The following ABCB5 variants were observed in gnomAD, a reference collection of about 807,000 sequenced individuals.
The protein encoded by ABCB5 is ATP-binding cassette sub-family B member 5.
ABCB5 carries 155 observed loss-of-function variants against 144.2 expected under a neutral mutation model. That is an observed-to-expected ratio of 1.08 (90% confidence interval 0.94 to 1.23). The LOEUF (loss-of-function observed/expected upper bound fraction) is 1.23. Ranked by LOEUF, ABCB5 falls within the 50% of genes most tolerant of loss-of-function variation. The pLI is 0.00. For missense variants in ABCB5, 1,830 were observed against 1,520.8 expected (o/e 1.20, Z -3.38); for synonymous variants, 610 against 528.6 (o/e 1.15, Z -2.11).
Position 20,647,652 on chromosome 7 carries a change from A to G in ABCB5, c.1095+4A>G, listed in dbSNP as rs1243218823. ...TATTTTCCAGGTTATTGATAAGGTA[A>G]GACCTCTTATTGCTTTGAAGAATAA... On this transcript the variant is annotated splice_donor_region_variant and intron_variant, in intron 10 of 27. Coordinates refer to ENST00000404938, the MANE Select transcript of ABCB5 (RefSeq NM_001163941.2). 2 of 1,558,838 alleles carry G rather than the reference A, an allele frequency of 1.3e-6. No individual in the cohort carries two copies. Among genetic ancestry groups the G allele is most frequent in the South Asian group, 2.4e-5 (2 of 84,008 alleles).
At chr7:20,739,706 A>C (rs1404641472) in intron 24 of ABCB5, among the ~76,000 whole-genome samples, 1 of 152,180 alleles carries the variant, frequency 6.6e-6, no homozygotes, top group East Asian at 1.9e-4. Flanking sequence ...GATTCGTATT[A>C]AGGTTTATTT....
chr7:20,669,091 G>C (rs1396631497), intron 14 of ABCB5, among the ~76,000 whole-genome samples: 9 of 151,146 alleles, frequency 6.0e-5, no homozygotes, highest in Non-Finnish European at 8.8e-5. Context: ...CGCCCCGTCC[G>C]GGAGGATGGT....
At position 20,745,220 on chromosome 7, in the gene ABCB5, TG is replaced by T; in HGVS notation, c.3223-11del. 6.2e-7 allele frequency: 1 copy of T among 1,613,684 alleles called. No homozygotes were observed. The highest frequency in any genetic ancestry group is 2.2e-5 in the East Asian group (1 of 44,882). ...GATCTTAACACACCATTCTCCAATC[TG>T]CTTTTGGCAGCTGTTTGATGGTGTG... On this transcript the variant is annotated splice_polypyrimidine_tract_variant and intron_variant, in intron 25 of 27. Transcript: ENST00000404938.
chr7:20,646,176 A>G (rs377617566), intron 9 of ABCB5, 38 bp downstream of exon 9: 4 of 1,566,868 alleles, frequency 2.6e-6, no homozygotes, highest in East Asian at 4.5e-5. Flanking sequence ...AGGCCTGGAT[A>G]ATCTTTCCTT....
At chr7:20,709,339 T>G (rs775772046) in intron 20 of ABCB5, among the ~76,000 whole-genome samples, 10 of 150,048 alleles carry the variant, frequency 6.7e-5, no homozygotes, top group Admixed American at 1.3e-4. Flanking sequence ...AGATATTTTG[T>G]TTTATATTTT....
intron 20 of ABCB5, among the ~76,000 whole-genome samples, chr7:20,705,757 G>A (rs2128044724): frequency 6.6e-6 from 1 of 150,706 alleles, no homozygotes; most frequent in Admixed American, 6.6e-5. Context: ...AGAATTGTAT[G>A]TTTCTTTTAG....
intron 20 of ABCB5, among the ~76,000 whole-genome samples, chr7:20,708,240 T>C (rs557612031): frequency 1.2e-4 from 18 of 152,230 alleles, no homozygotes; most frequent in Non-Finnish European, 2.4e-4. Context: ...CTGTTTTGTC[T>C]TGCAGTTTTA....
rs59970398 is a variant in ABCB5, at chr7:20,618,764, C to CTTTTTTTTTTTTTTTTTTTTT, written c.-22+2935_-22+2955dup. Among the ~76,000 whole-genome samples, 6 of 51,544 alleles carry CTTTTTTTTTTTTTTTTTTTTT rather than the reference C, an allele frequency of 1.2e-4. 2 individuals carry two copies. The highest frequency in any genetic ancestry group is 1.4e-3 in the East Asian group (2 of 1,440). The allele number at this position is 51,544 out of a possible 152,430, so 33.8% of individuals were successfully genotyped here. On this transcript the variant is annotated intron_variant, in intron 1 of 27. Transcript: ENST00000404938. Reference sequence around the variant, plus strand: ...TCATGGCATATATGTGCTGCATTTTCTTTTTTTTTTTTTTTTTTTTTTTTT... The same window carrying CTTTTTTTTTTTTTTTTTTTTT: ...TCATGGCATATATGTGCTGCATTTTCTTTTTTTTTTTTTTTTTTTTTTTTTTTTTTTTTTTTTTTTTTTTTT...
chr7:20,724,199 C>CTTAT (rs10642660), intron 21 of ABCB5, among the ~76,000 whole-genome samples: 128,803 of 149,234 alleles, frequency 0.86, 55,958 homozygotes, highest in African/African-American at 0.96. Flanking sequence ...TTTTTCTTGT[C>CTTAT]TTATTTATTT....
chr7:20,698,944 TGCTAAA>T (rs1786516092), intron 17 of ABCB5, among the ~76,000 whole-genome samples: 1 of 152,230 alleles, frequency 6.6e-6, no homozygotes, highest in Admixed American at 6.5e-5. Flanking sequence ...TCTGGGATTT[TGCTAAA>T]GGACTCAGGG....
At chr7:20,747,837 AT>A (rs1399106111) in intron 26 of ABCB5, among the ~76,000 whole-genome samples, 2 of 152,350 alleles carry the variant, frequency 1.3e-5, no homozygotes, top group East Asian at 3.9e-4. Flanking sequence ...TTTAAAAAAA[AT>A]CAAATCAGAT....
intron 1 of ABCB5, among the ~76,000 whole-genome samples, chr7:20,616,238 G>A (rs1299061462): frequency 6.6e-6 from 1 of 152,148 alleles, no homozygotes; most frequent in Non-Finnish European, 1.5e-5. Context: ...GTTTCACCTT[G>A]TTGGACAGGC....
chr7:20,648,547 C>T (rs1185035530), intron 11 of ABCB5, among the ~76,000 whole-genome samples: 1 of 152,094 alleles, frequency 6.6e-6, no homozygotes, highest in Non-Finnish European at 1.5e-5. Flanking sequence ...CGCAGTTTAT[C>T]GTACTCCATC....
intron 26 of ABCB5, 99 bp downstream of exon 26, chr7:20,745,537 C>G: frequency 4.7e-6 from 5 of 1,059,526 alleles, no homozygotes; most frequent in Non-Finnish European, 6.8e-6. Flanking sequence ...TTGGATTATA[C>G]AATGTATTTA....
chr7:20,743,201 T>A, intron 25 of ABCB5, 127 bp downstream of exon 25: 3 of 987,982 alleles, frequency 3.0e-6, no homozygotes, highest in Non-Finnish European at 4.5e-6. Context: ...AGAAAAAAAA[T>A]CTCTGTGTCA....
At chr7:20,677,215 G>T (rs1428582599) in intron 14 of ABCB5, among the ~76,000 whole-genome samples, 1 of 152,138 alleles carries the variant, frequency 6.6e-6, no homozygotes, top group African/African-American at 2.4e-5. Context: ...AGGGAAATTT[G>T]ATCCCAGTCA....
intron 26 of ABCB5, among the ~76,000 whole-genome samples, chr7:20,748,504 G>T (rs2128056896): frequency 6.6e-6 from 1 of 152,112 alleles, no homozygotes; most frequent in African/African-American, 2.4e-5. Context: ...ACAAAAATTA[G>T]CTGGGCATGG....
chr7:20,754,508 C>T (rs2128058408), intron 27 of ABCB5, among the ~76,000 whole-genome samples: 1 of 152,294 alleles, frequency 6.6e-6, no homozygotes, highest in Non-Finnish European at 1.5e-5. Context: ...AGATATCCAT[C>T]TTGGGAACAT....
At chr7:20,683,498 T>C (rs10215589) in intron 15 of ABCB5, among the ~76,000 whole-genome samples, 93,602 of 152,060 alleles carry the variant, frequency 0.62, 29,839 homozygotes, top group East Asian at 0.75. Context: ...GTCAGATCTT[T>C]CTTTGGAGTA....
Sources: gnomAD v4.1 joint callset for allele counts (sites outside exome capture counted in the v4.1 genomes callset) on GRCh38, gnomAD v4.1.1 for gene constraint, MANE v1.5 for transcripts, NCBI Gene and HGNC (gene_info 2026-07-23, HGNC 2026-07-21) for gene names.